The following ESR1 variants were observed in gnomAD, a reference collection of about 807,000 sequenced individuals.
ESR1 encodes the protein estrogen receptor.
Under a neutral mutation model 52.7 loss-of-function variants are expected in ESR1, and 12 were observed. That is an observed-to-expected ratio of 0.23 (90% confidence interval 0.15 to 0.37). The LOEUF is 0.37. Ranked by LOEUF, ESR1 falls within the 10% of genes least tolerant of loss-of-function variation. The pLI is 1.00. For synonymous variants in ESR1, 305 were observed against 316.8 expected (o/e 0.96, Z 0.39); for missense variants, 584 against 779.7 (o/e 0.75, Z 2.99).
At chr6:151,914,912 A>G (rs1195603205) in intron 3 of ESR1, among the ~76,000 whole-genome samples, 1 of 152,232 alleles carries the variant, frequency 6.6e-6, no homozygotes, top group Non-Finnish European at 1.5e-5. Context: ...ATCATTTTTG[A>G]TAAATGTACT....
intron 4 of ESR1, among the ~76,000 whole-genome samples, chr6:151,954,672 A>T (rs2036704910): frequency 6.6e-6 from 1 of 152,240 alleles, no homozygotes. Context: ...TTTGAAATGC[A>T]TATTTTCAAA....
intron 3 of ESR1, among the ~76,000 whole-genome samples, chr6:151,910,730 G>T (rs1485266994): frequency 6.6e-6 from 1 of 152,122 alleles, no homozygotes; most frequent in Non-Finnish European, 1.5e-5. Context: ...TTAAAGTGCA[G>T]GAAGAAAGTA....
In ESR1 at chr6:152,098,968, A is replaced by G. The variant is rs1477842782; in HGVS notation, c.*2A>G. On this transcript the variant is annotated 3_prime_UTR_variant, in exon 8 of 8. Coordinates refer to ENST00000206249, the MANE Select transcript of ESR1 (RefSeq NM_000125.4). This position sits in a 1 kb window ranked among gnomAD's most constrained non-coding sequence, Gnocchi z 5.1. ...GAGGGTTTCCCTGCCACGGTCTGAG[A>G]GCTCCCTGGCTCCCACACGGTTCAG... 1 of 1,610,438 alleles carries G rather than the reference A, an allele frequency of 6.2e-7. No individual in the cohort carries two copies. Among genetic ancestry groups the G allele is most frequent in the Non-Finnish European group, 8.5e-7 (1 of 1,176,670 alleles).
At chr6:151,736,264 G>A (rs1171051540) in intron 2 of ESR1, among the ~76,000 whole-genome samples, 2 of 105,006 alleles carry the variant, frequency 1.9e-5, no homozygotes, top group Non-Finnish European at 4.6e-5. Flanking sequence ...TAAGTTACAT[G>A]TAATAAACAA....
intron 1 of ESR1, among the ~76,000 whole-genome samples, chr6:151,697,041 T>C (rs1420959082): frequency 2.6e-5 from 4 of 152,072 alleles, no homozygotes; most frequent in Non-Finnish European, 5.9e-5. Flanking sequence ...AGGAGGTAAT[T>C]TAGAAGTGGA....
chr6:151,686,561 A>G (rs138007191), upstream of ESR1, among the ~76,000 whole-genome samples: 6,201 of 152,212 alleles, frequency 0.041, 518 homozygotes, highest in East Asian at 0.32. Context: ...GGCGGCGGGC[A>G]CCTGTAGTCC....
chr6:151,895,352 T>G (rs1457511236), intron 3 of ESR1, among the ~76,000 whole-genome samples: 1 of 152,184 alleles, frequency 6.6e-6, no homozygotes, highest in Non-Finnish European at 1.5e-5. Flanking sequence ...ACAGCGACAG[T>G]TTGAATTCCT....
intron 2 of ESR1, among the ~76,000 whole-genome samples, chr6:151,854,959 G>A (rs888075283): frequency 2.6e-5 from 4 of 152,170 alleles, no homozygotes; most frequent in Non-Finnish European, 4.4e-5. Context: ...TGTTGCCCAG[G>A]TTGGAGTGCA....
intron 2 of ESR1, among the ~76,000 whole-genome samples, chr6:151,732,287 T>C (rs980020271): frequency 6.6e-6 from 1 of 152,170 alleles, no homozygotes; most frequent in African/African-American, 2.4e-5. Flanking sequence ...GTATGAGTTA[T>C]TTAACTAAAC....
intron 3 of ESR1, among the ~76,000 whole-genome samples, chr6:151,912,767 C>A (rs537248957): frequency 1.3e-5 from 2 of 152,180 alleles, no homozygotes; most frequent in African/African-American, 4.8e-5. Flanking sequence ...CTGTCCTTTG[C>A]AGGGACATGG....
At chr6:152,095,055 T>C (rs1022158369) in intron 7 of ESR1, among the ~76,000 whole-genome samples, 3 of 152,140 alleles carry the variant, frequency 2.0e-5, no homozygotes, top group Non-Finnish European at 4.4e-5. Flanking sequence ...ATTACCCTAG[T>C]CTAAGCCACC....
intron 2 of ESR1, among the ~76,000 whole-genome samples, chr6:151,755,704 C>A (rs1488473805): frequency 6.6e-6 from 1 of 151,936 alleles, no homozygotes; most frequent in East Asian, 1.9e-4. Context: ...GATCTCTACT[C>A]ACTGCAACTT....
intron 1 of ESR1, among the ~76,000 whole-genome samples, chr6:151,839,595 G>A (rs1326402020): frequency 1.3e-5 from 2 of 152,192 alleles, no homozygotes; most frequent in Admixed American, 1.3e-4. Context: ...CAATCCAGAT[G>A]TCTATAGATG....
intron 3 of ESR1, among the ~76,000 whole-genome samples, chr6:151,887,424 C>A (rs974703086): frequency 6.6e-6 from 1 of 151,948 alleles, no homozygotes; most frequent in Non-Finnish European, 1.5e-5. Flanking sequence ...AAGTGAATCA[C>A]ATATGGACCT....
upstream of ESR1, among the ~76,000 whole-genome samples, chr6:151,803,622 A>C (rs1284842721): frequency 6.6e-6 from 1 of 152,110 alleles, no homozygotes; most frequent in Non-Finnish European, 1.5e-5. Context: ...GAAAGTAAAC[A>C]GGTTGCAGGG....
chr6:152,003,340 A>ATGTGTGTGTGTGTGTG, intron 4 of ESR1, among the ~76,000 whole-genome samples: 1 of 145,644 alleles, frequency 6.9e-6, no homozygotes, highest in African/African-American at 2.5e-5. Context: ...AAGGGTAATT[A>ATGTGTGTGTGTGTGTG]TGTGTGTGTG....
chr6:152,078,918 G>T (rs1208823976), intron 6 of ESR1, among the ~76,000 whole-genome samples: 2 of 152,210 alleles, frequency 1.3e-5, no homozygotes, highest in African/African-American at 2.4e-5. Flanking sequence ...GCTTGATGCG[G>T]GGAGGGGCGT....
At chr6:151,915,575 A>T (rs906865383) in intron 3 of ESR1, among the ~76,000 whole-genome samples, 1 of 152,206 alleles carries the variant, frequency 6.6e-6, no homozygotes, top group South Asian at 2.1e-4. Flanking sequence ...GAACCACTTA[A>T]TTATCTTTAC....
At chr6:151,841,708 GTC>G (rs986773123) in intron 1 of ESR1, among the ~76,000 whole-genome samples, 1 of 150,924 alleles carries the variant, frequency 6.6e-6, no homozygotes, top group Non-Finnish European at 1.5e-5. Context: ...TCCTCTGATT[GTC>G]TCTCTTTCTA....
Sources: gnomAD v4.1 joint callset for allele counts (sites outside exome capture counted in the v4.1 genomes callset) on GRCh38, gnomAD v4.1.1 for gene constraint, Gnocchi (gnomAD v3.1) non-coding constraint, MANE v1.5 for transcripts, NCBI Gene and HGNC (gene_info 2026-07-23, HGNC 2026-07-21) for gene names.